EYS: variants seen among roughly 807,000 people sequenced by gnomAD.
EYS encodes the protein protein eyes shut homolog.
EYS carries 250 observed loss-of-function variants against 282.1 expected under a neutral mutation model. The observed-to-expected ratio is 0.89, with a 90% CI of 0.80 to 0.98. EYS has a LOEUF of 0.98. EYS is among the 50% of genes least tolerant of loss of function. The pLI is 0.00. For missense variants in EYS, 4,016 were observed against 3,709.0 expected (o/e 1.08, Z -2.15); for synonymous variants, 1,355 against 1,282.9 (o/e 1.06, Z -1.20).
chr6:64,506,449 C>G (rs540609131), intron 26 of EYS, among the ~76,000 whole-genome samples: 11 of 152,266 alleles, frequency 7.2e-5, no homozygotes, highest in Non-Finnish European at 1.3e-4. Context: ...TGTACACTTA[C>G]GCTTTGGATG....
intron 26 of EYS, among the ~76,000 whole-genome samples, chr6:64,501,705 T>C (rs532020850): frequency 2.6e-5 from 4 of 152,268 alleles, no homozygotes; most frequent in African/African-American, 9.6e-5. Flanking sequence ...CAGATAAGTA[T>C]CATTAGTCAC....
At chr6:64,445,979 T>C (rs187795690) in intron 26 of EYS, among the ~76,000 whole-genome samples, 2 of 152,350 alleles carry the variant, frequency 1.3e-5, no homozygotes, top group East Asian at 3.9e-4. Context: ...TCCTGAATTA[T>C]ATCTGATTGT....
intron 2 of EYS, among the ~76,000 whole-genome samples, chr6:65,584,592 A>T (rs1453615841): frequency 3.9e-5 from 6 of 151,984 alleles, no homozygotes; most frequent in African/African-American, 1.4e-4. Context: ...AATGTTCTAT[A>T]AAATACCTTC....
intron 28 of EYS, among the ~76,000 whole-genome samples, chr6:64,405,715 A>C (rs756653318): frequency 7.9e-5 from 12 of 152,046 alleles, no homozygotes; most frequent in Non-Finnish European, 1.6e-4. Flanking sequence ...TCATGGGTGA[A>C]CTCCCTTTCA....
chr6:64,697,083 T>C (rs945535308), intron 22 of EYS, among the ~76,000 whole-genome samples: 8 of 152,086 alleles, frequency 5.3e-5, no homozygotes. Flanking sequence ...TATAACTGGA[T>C]TTAATGCTCC....
intron 5 of EYS, among the ~76,000 whole-genome samples, chr6:65,432,244 A>G (rs1186740758): frequency 6.6e-6 from 1 of 152,178 alleles, no homozygotes; most frequent in Non-Finnish European, 1.5e-5. Context: ...TATATGAAAC[A>G]TAAAATTATT....
At chr6:64,760,426 A>C (rs114503074) in intron 22 of EYS, among the ~76,000 whole-genome samples, 1 of 152,138 alleles carries the variant, frequency 6.6e-6, no homozygotes, top group Non-Finnish European at 1.5e-5. Context: ...GATACTTTCT[A>C]CATCATAGCT....
chr6:65,604,875 G>C (rs1422211702), intron 2 of EYS, among the ~76,000 whole-genome samples: 2 of 128,896 alleles, frequency 1.6e-5, no homozygotes, highest in African/African-American at 3.0e-5. Context: ...ACAGGGTCTT[G>C]CTCTGTCACA....
intron 26 of EYS, among the ~76,000 whole-genome samples, chr6:64,532,883 C>T (rs1313409979): frequency 1.3e-5 from 2 of 152,006 alleles, no homozygotes; most frequent in African/African-American, 2.4e-5. Flanking sequence ...TCAGTTGGAG[C>T]AACCCCCTAT....
At chr6:64,706,309 C>T (rs1771013863) in intron 22 of EYS, among the ~76,000 whole-genome samples, 1 of 152,054 alleles carries the variant, frequency 6.6e-6, no homozygotes, top group Non-Finnish European at 1.5e-5. Flanking sequence ...TCACCTTATA[C>T]AAAAATAAAC....
At chr6:65,185,602 C>A (rs1318486990) in intron 12 of EYS, among the ~76,000 whole-genome samples, 1 of 151,722 alleles carries the variant, frequency 6.6e-6, no homozygotes, top group African/African-American at 2.4e-5. Context: ...CAGCGTGTAA[C>A]CTACCTTACT....
At chr6:63,749,374 G>A (rs956333791) in intron 41 of EYS, among the ~76,000 whole-genome samples, 5 of 152,084 alleles carry the variant, frequency 3.3e-5, no homozygotes, top group Non-Finnish European at 7.4e-5. Context: ...CAGTTCTTTT[G>A]CATTTGCTGA....
In EYS at chr6:63,726,639, A is replaced by G. The variant is rs1325363549; in HGVS notation, c.8113T>C (p.Ser2705Pro). Reference sequence around the variant, plus strand: ...TGAAAGGAAGCAAAAGACATCCAGGATAACTCATTGCTTCTGAAAGATGGA... The same window carrying G: ...TGAAAGGAAGCAAAAGACATCCAGGGTAACTCATTGCTTCTGAAAGATGGA... ...SDPSFRSNEL[S>P]WMSFASFHVR... The change falls in exon 42 of 43, where the codon TCC becomes CCC. Residue 2705 changes from serine (S) to proline (P), a missense_variant. Transcript: ENST00000503581. 6.4e-7 allele frequency: 1 copy of G among 1,551,340 alleles called. No homozygotes were observed. Among genetic ancestry groups the G allele is most frequent in the Non-Finnish European group, 8.7e-7 (1 of 1,146,748 alleles).
chr6:64,270,604 T>G (rs1223858221), intron 30 of EYS, among the ~76,000 whole-genome samples: 3 of 152,156 alleles, frequency 2.0e-5, no homozygotes, highest in Non-Finnish European at 2.9e-5. Context: ...AAAAACCAAG[T>G]GACAGATTGA....
intron 35 of EYS, among the ~76,000 whole-genome samples, chr6:63,937,366 T>C (rs1481937237): frequency 1.7e-5 from 1 of 57,612 alleles, no homozygotes; most frequent in African/African-American, 8.0e-5. Flanking sequence ...TTTTTTTTTT[T>C]TTTTTTTTTT....
chr6:65,514,296 A>C (rs958682147), intron 2 of EYS, among the ~76,000 whole-genome samples: 2 of 152,218 alleles, frequency 1.3e-5, no homozygotes, highest in Non-Finnish European at 2.9e-5. Context: ...AAGAGGATAC[A>C]AACAAATGGA....
At chr6:63,810,645 G>C (rs985640391) in intron 36 of EYS, among the ~76,000 whole-genome samples, 2 of 152,114 alleles carry the variant, frequency 1.3e-5, no homozygotes, top group African/African-American at 2.4e-5. Flanking sequence ...GAGAATGTAA[G>C]AGCACCTAAC....
chr6:64,335,399 G>T (rs1244510668), intron 29 of EYS, among the ~76,000 whole-genome samples: 1 of 151,972 alleles, frequency 6.6e-6, no homozygotes, highest in Non-Finnish European at 1.5e-5. Flanking sequence ...TCCCTAGCGT[G>T]CCTGCAGGGT....
intron 14 of EYS, among the ~76,000 whole-genome samples, chr6:64,982,694 T>G (rs1250055778): frequency 1.3e-5 from 2 of 151,194 alleles, no homozygotes; most frequent in Admixed American, 1.3e-4. Context: ...AACACTTAAT[T>G]GTATTATAAT....
Sources: gnomAD v4.1 joint callset for allele counts (sites outside exome capture counted in the v4.1 genomes callset) on GRCh38, gnomAD v4.1.1 for gene constraint, MANE v1.5 for transcripts, NCBI Gene and HGNC (gene_info 2026-07-23, HGNC 2026-07-21) for gene names.